Variants in SLC25A21 observed in about 807,000 individuals in gnomAD.
SLC25A21 encodes the protein mitochondrial 2-oxodicarboxylate carrier.
SLC25A21 carries 47 observed loss-of-function variants against 43.8 expected under a neutral mutation model. The observed-to-expected ratio is 1.07, with a 90% CI of 0.85 to 1.37. The LOEUF (loss-of-function observed/expected upper bound fraction) is 1.37. Among genes scored for constraint, SLC25A21 ranks in the 40% most tolerant of loss-of-function variants. The probability of loss-of-function intolerance (pLI) is 0.00; values close to 1 mark genes in which losing one functional copy is unlikely to be tolerated. For missense variants in SLC25A21, 352 were observed against 350.2 expected (o/e 1.00, Z -0.04); for synonymous variants, 131 against 121.3 (o/e 1.08, Z -0.52).
At chr14:36,714,691 C>T (rs1275579629) in intron 6 of SLC25A21, among the ~76,000 whole-genome samples, 4 of 152,218 alleles carry the variant, frequency 2.6e-5, no homozygotes, top group Non-Finnish European at 5.9e-5. Context: ...CACCTTTAGC[C>T]ATTATCATAC....
At chr14:36,783,289 G>A (rs1307589097) in intron 3 of SLC25A21, among the ~76,000 whole-genome samples, 2 of 152,080 alleles carry the variant, frequency 1.3e-5, no homozygotes, top group African/African-American at 4.8e-5. Flanking sequence ...TGGAGCATTA[G>A]GGGCACCAGT....
chr14:36,882,841 C>T (rs954577437), intron 1 of SLC25A21, among the ~76,000 whole-genome samples: 2 of 151,740 alleles, frequency 1.3e-5, no homozygotes, highest in Non-Finnish European at 2.9e-5. Flanking sequence ...CCATCCCCTT[C>T]GGAAACAACA....
intron 1 of SLC25A21, among the ~76,000 whole-genome samples, chr14:37,042,717 TG>T (rs1961500980): frequency 4.6e-5 from 7 of 152,338 alleles, no homozygotes; most frequent in Admixed American, 4.6e-4. Flanking sequence ...ACACAGTCTT[TG>T]GGAAAACATA....
chr14:37,019,149 C>G (rs1391903648), intron 1 of SLC25A21, among the ~76,000 whole-genome samples: 1 of 151,936 alleles, frequency 6.6e-6, no homozygotes, highest in African/African-American at 2.4e-5. Context: ...GACAGCCTGA[C>G]CTAGCCCCTG....
intron 4 of SLC25A21, 103 bp downstream of exon 4, chr14:36,734,404 T>G: frequency 1.4e-6 from 1 of 719,574 alleles, no homozygotes; most frequent in Non-Finnish European, 2.1e-6. Flanking sequence ...ATTAAAATTT[T>G]TAGTGCTTTA....
intron 1 of SLC25A21, among the ~76,000 whole-genome samples, chr14:37,006,767 T>C (rs1960613250): frequency 6.6e-6 from 1 of 152,190 alleles, no homozygotes; most frequent in South Asian, 2.1e-4. Flanking sequence ...AAAAGCTATA[T>C]TAAATTGATG....
rs74718741 is a variant in SLC25A21, at chr14:36,745,987, C to T, written c.204-11414G>A. ...TGATGGAGATGCAGAAAAAAGAGAA[C>T]GCTTCTACACTGCTGGTGGAAATGT... On this transcript the variant is annotated intron_variant, in intron 3 of 9. Coordinates refer to ENST00000331299, the MANE Select transcript of SLC25A21 (RefSeq NM_030631.4). Among the ~76,000 whole-genome samples, 1,159 of 152,180 alleles carry T rather than the reference C, an allele frequency of 7.6e-3. 7 individuals are homozygous for T. The highest frequency in any genetic ancestry group is 0.013 in the Non-Finnish European group (853 of 68,000).
At chr14:36,883,026 T>C (rs2564848) in intron 1 of SLC25A21, among the ~76,000 whole-genome samples, 122,155 of 151,962 alleles carry the variant, frequency 0.8, 49,775 homozygotes, top group Non-Finnish European at 0.87. Flanking sequence ...AGCAGATCAA[T>C]GGTAGCAGGC....
intron 7 of SLC25A21, among the ~76,000 whole-genome samples, chr14:36,699,948 C>G (rs1883208927): frequency 6.6e-6 from 1 of 152,204 alleles, no homozygotes; most frequent in African/African-American, 2.4e-5. Context: ...CCTCCGTGGG[C>G]TGCACCCACT....
intron 1 of SLC25A21, among the ~76,000 whole-genome samples, chr14:37,147,606 C>T (rs1963687227): frequency 1.3e-5 from 2 of 148,874 alleles, no homozygotes; most frequent in Non-Finnish European, 3.0e-5. Context: ...TTAGAGCTGC[C>T]ATTACTGGTA....
intron 1 of SLC25A21, among the ~76,000 whole-genome samples, chr14:37,054,108 G>A (rs1961768104): frequency 1.3e-5 from 2 of 152,244 alleles, no homozygotes; most frequent in Non-Finnish European, 1.5e-5. Flanking sequence ...CAAAGCCTAG[G>A]TTACAATAAG....
intron 6 of SLC25A21, among the ~76,000 whole-genome samples, chr14:36,723,358 T>C (rs1054090658): frequency 6.6e-6 from 1 of 152,250 alleles, no homozygotes; most frequent in Admixed American, 6.5e-5. Flanking sequence ...TTGCTGTAAA[T>C]AAATGCTGAT....
At chr14:36,990,186 A>C (rs1225918385) in intron 1 of SLC25A21, among the ~76,000 whole-genome samples, 4 of 152,192 alleles carry the variant, frequency 2.6e-5, no homozygotes, top group African/African-American at 9.7e-5. Flanking sequence ...GCTGGAAAGG[A>C]AAAGTGGTCA....
At chr14:37,102,305 C>T (rs1165433780) in intron 1 of SLC25A21, among the ~76,000 whole-genome samples, 5 of 151,678 alleles carry the variant, frequency 3.3e-5, no homozygotes, top group East Asian at 1.9e-4. Flanking sequence ...AAGCCAGATG[C>T]GGTGGCACAT....
intron 3 of SLC25A21, among the ~76,000 whole-genome samples, chr14:36,798,902 A>AAGAGAGAGAG (rs10637597): frequency 4.2e-4 from 64 of 150,880 alleles, no homozygotes; most frequent in Admixed American, 1.3e-3. Context: ...TAGGGAGAGA[A>AAGAGAGAGAG]AGAGAGAGAG....
chr14:36,991,835 C>T (rs1044391988), intron 1 of SLC25A21, among the ~76,000 whole-genome samples: 2 of 144,530 alleles, frequency 1.4e-5, no homozygotes, highest in African/African-American at 5.8e-5. Flanking sequence ...AGAAGGATAC[C>T]CACTCAGGAT....
At chr14:37,107,379 C>T (rs1962935186) in intron 1 of SLC25A21, among the ~76,000 whole-genome samples, 1 of 151,930 alleles carries the variant, frequency 6.6e-6, no homozygotes, top group Admixed American at 6.6e-5. Context: ...AATGGGATCT[C>T]AATAAGTTGC....
intron 1 of SLC25A21, among the ~76,000 whole-genome samples, chr14:36,980,530 T>A (rs28384080): frequency 0.047 from 7,084 of 152,308 alleles, 574 homozygotes; most frequent in African/African-American, 0.16. Flanking sequence ...TTCCAGTTGA[T>A]CGAATTGGCT....
chr14:36,866,722 G>A (rs956538184), intron 2 of SLC25A21, among the ~76,000 whole-genome samples: 2 of 152,126 alleles, frequency 1.3e-5, no homozygotes, highest in Non-Finnish European at 2.9e-5. Context: ...GTCTAATCCA[G>A]GGACCTCTAG....
Sources: gnomAD v4.1 joint callset for allele counts (sites outside exome capture counted in the v4.1 genomes callset) on GRCh38, gnomAD v4.1.1 for gene constraint, MANE v1.5 for transcripts, NCBI Gene and HGNC (gene_info 2026-07-23, HGNC 2026-07-21) for gene names.